The following CLIC4 variants were observed in gnomAD, a reference collection of about 807,000 sequenced individuals.
CLIC4 encodes the protein CLIC family member 4, also known as chloride intracellular channel protein 4.
CLIC4 carries 13 observed loss-of-function variants against 24.6 expected under a neutral mutation model. The observed-to-expected ratio is 0.53, with a 90% confidence interval of 0.34 to 0.84. The LOEUF (loss-of-function observed/expected upper bound fraction) is 0.84. CLIC4 is among the 40% of genes least tolerant of loss of function. CLIC4 has a pLI of 0.01. For synonymous variants in CLIC4, 104 were observed against 111.3 expected (o/e 0.93, Z 0.41); for missense variants, 227 against 301.7 (o/e 0.75, Z 1.83).
At chr1:24,773,487 T>C (rs990574396) in intron 1 of CLIC4, among the ~76,000 whole-genome samples, 4 of 152,172 alleles carry the variant, frequency 2.6e-5, no homozygotes, top group Non-Finnish European at 5.9e-5. Context: ...TAGTTGTCTT[T>C]AGTTGATAAA....
At chr1:24,751,490 G>A (rs1268500205) in intron 1 of CLIC4, among the ~76,000 whole-genome samples, 2 of 148,838 alleles carry the variant, frequency 1.3e-5, no homozygotes, top group East Asian at 2.0e-4. Flanking sequence ...CCACCCGCTC[G>A]GCCTCCCAAA....
At chr1:24,748,024 CAAA>C (rs34000704) in intron 1 of CLIC4, among the ~76,000 whole-genome samples, 11 of 118,118 alleles carry the variant, frequency 9.3e-5, no homozygotes, top group Admixed American at 8.3e-5. Flanking sequence ...GACTTCGTCT[CAAA>C]AAAAAAAAAA....
chr1:24,795,413 T>G (rs1490615270), intron 1 of CLIC4, among the ~76,000 whole-genome samples: 4 of 152,080 alleles, frequency 2.6e-5, no homozygotes, highest in African/African-American at 9.7e-5. Flanking sequence ...TTTCAGCTAC[T>G]GGGGAGGCTG....
At chr1:24,811,138 T>TA (rs1297535787) in intron 2 of CLIC4, among the ~76,000 whole-genome samples, 13 of 151,914 alleles carry the variant, frequency 8.6e-5, no homozygotes, top group African/African-American at 3.1e-4. Flanking sequence ...ATGAACCCAC[T>TA]ACTTATTACC....
At chr1:24,745,725 C>A in intron 1 of CLIC4, 100 bp downstream of exon 1, 1 of 903,026 alleles carries the variant, frequency 1.1e-6, no homozygotes, top group Non-Finnish European at 1.6e-6. Flanking sequence ...CCCCGCTCGG[C>A]GCCAGCACCC....
intron 1 of CLIC4, among the ~76,000 whole-genome samples, chr1:24,754,708 A>G (rs1239469447): frequency 6.6e-6 from 1 of 152,052 alleles, no homozygotes; most frequent in Non-Finnish European, 1.5e-5. Flanking sequence ...TTTTAATTAT[A>G]TTGTCTATTT....
At chr1:24,755,505 A>G (rs1331743436) in intron 1 of CLIC4, among the ~76,000 whole-genome samples, 1 of 151,674 alleles carries the variant, frequency 6.6e-6, no homozygotes, top group Non-Finnish European at 1.5e-5. Flanking sequence ...TAGCTTTGGC[A>G]GGCTGAGGCC....
chr1:24,760,341 CAG>C (rs1226297358), intron 1 of CLIC4, among the ~76,000 whole-genome samples: 1 of 151,726 alleles, frequency 6.6e-6, no homozygotes, highest in Non-Finnish European at 1.5e-5. Context: ...ACTCCAGTGA[CAG>C]AGGGGGACTC....
chr1:24,794,398 A>G (rs533447999), intron 1 of CLIC4, among the ~76,000 whole-genome samples: 21 of 151,418 alleles, frequency 1.4e-4, no homozygotes, highest in African/African-American at 4.9e-4. Context: ...CTGGTGTGAA[A>G]TGGTATCTCA....
rs569669277 is a variant in CLIC4 at position 24,748,504 on chromosome 1, T to TTG, written c.72+2880_72+2881insGT. On this transcript the variant is annotated intron_variant, in intron 1 of 5. Coordinates refer to ENST00000374379, the MANE Select transcript of CLIC4 (RefSeq NM_013943.3). ...TGATACAGATCAGGTTTTTTGTTTT[T>TTG]TTTTTTTTTTTTTTTTTTAATGAGA... Among the ~76,000 whole-genome samples the TTG allele has an allele frequency of 3.8e-3, 530 of 140,946 alleles. 1 individual carries two copies. Among genetic ancestry groups the TTG allele is most frequent in the Non-Finnish European group, 6.5e-3 (419 of 64,132 alleles). The allele number at this position is 140,946 out of a possible 152,430, so 92.5% of individuals were successfully genotyped here.
At chr1:24,753,074 G>C (rs1638796855) in intron 1 of CLIC4, among the ~76,000 whole-genome samples, 1 of 152,128 alleles carries the variant, frequency 6.6e-6, no homozygotes, top group Non-Finnish European at 1.5e-5. Flanking sequence ...AGGGAGTTCT[G>C]TAAATCCTTG....
chr1:24,798,582 C>T (rs1217794999), intron 2 of CLIC4, among the ~76,000 whole-genome samples: 6 of 152,198 alleles, frequency 3.9e-5, no homozygotes, highest in African/African-American at 1.4e-4. Context: ...TCATACATCC[C>T]CTTCCCCAAA....
chr1:24,809,109 C>G (rs1268603439), intron 2 of CLIC4, among the ~76,000 whole-genome samples: 1 of 152,144 alleles, frequency 6.6e-6, no homozygotes, highest in Non-Finnish European at 1.5e-5. Flanking sequence ...GTGAAAGCAT[C>G]AGAGTTGAAA....
At chr1:24,822,763 T>G (rs1451341955) in intron 3 of CLIC4, among the ~76,000 whole-genome samples, 1 of 152,224 alleles carries the variant, frequency 6.6e-6, no homozygotes, top group Non-Finnish European at 1.5e-5. Context: ...GTGGGCTCTA[T>G]GGACCCAGAA....
chr1:24,753,407 C>T (rs1326678195), intron 1 of CLIC4, among the ~76,000 whole-genome samples: 1 of 152,066 alleles, frequency 6.6e-6, no homozygotes, highest in Non-Finnish European at 1.5e-5. Context: ...ACAAGATGGT[C>T]CATGCTTAAA....
intron 1 of CLIC4, among the ~76,000 whole-genome samples, chr1:24,788,547 G>A (rs867213207): frequency 6.6e-6 from 1 of 152,328 alleles, no homozygotes. Flanking sequence ...TTCTGCATCT[G>A]TGGATACGGA....
chr1:24,817,682 G>A (rs1639685221), intron 3 of CLIC4, among the ~76,000 whole-genome samples: 1 of 152,200 alleles, frequency 6.6e-6, no homozygotes, highest in South Asian at 2.1e-4. Flanking sequence ...GCTGTTTGGT[G>A]GAAGAAGTCT....
chr1:24,840,916 A>G lies in CLIC4; in HGVS notation c.741A>G (p.Val247=), dbSNP rs1427861262. The G allele has an allele frequency of 6.9e-6, 11 of 1,595,086 alleles. No homozygotes were observed. In the African/African-American group the frequency reaches 8.1e-5, roughly 12 times the overall value. The part of the protein sequence containing the change: ...DKEVEIAYSD[V]AKRLTK ...AGGTTGAAATAGCATATAGTGATGT[A>G]GCCAAAAGACTCACCAAGTAAAATC... The change falls in exon 6 of 6, where the codon GTA becomes GTG. Residue 247 remains valine, a synonymous_variant. Coordinates refer to ENST00000374379, the MANE Select transcript of CLIC4 (RefSeq NM_013943.3).
intron 3 of CLIC4, among the ~76,000 whole-genome samples, chr1:24,821,015 C>T (rs1176167940): frequency 4.0e-5 from 6 of 151,826 alleles, no homozygotes; most frequent in African/African-American, 1.5e-4. Context: ...GAAACCCTGT[C>T]TCTACAAAAA....
Sources: allele counts gnomAD v4.1 joint callset (sites outside exome capture counted in the v4.1 genomes callset), GRCh38; gene constraint gnomAD v4.1.1; transcripts MANE v1.5; gene names NCBI Gene and HGNC (gene_info 2026-07-23, HGNC 2026-07-21).